Variants in PPARGC1B observed in about 807,000 individuals in gnomAD.
PPARGC1B encodes peroxisome proliferator-activated receptor gamma coactivator 1-beta.
In PPARGC1B, 34 loss-of-function variants were observed where a neutral mutation model predicts 101.6. The ratio of observed to expected loss-of-function variants is 0.33; its 90% CI spans 0.25 to 0.45. PPARGC1B has a LOEUF of 0.45. Ranked by LOEUF, PPARGC1B falls within the 20% of genes least tolerant of loss-of-function variation. The pLI is 1.00. For synonymous variants in PPARGC1B, 548 were observed against 539.3 expected (o/e 1.02, Z -0.22); for missense variants, 1,234 against 1,317.6 (o/e 0.94, Z 0.98).
rs1245219932 is a variant in PPARGC1B, at chr5:149,827,045, C to A, written c.465+160C>A. On this transcript the variant is annotated intron_variant, in intron 3 of 11. Transcript: ENST00000309241. ...GAGAGCGTGGGCCGAAGGTGGGAGG[C>A]CCCCCTGGACTTAACCTTTCCCACC... is the stretch of plus-strand genomic sequence containing the variant. Among the ~76,000 whole-genome samples, 5 of 152,186 alleles carry A rather than the reference C, an allele frequency of 3.3e-5. No homozygotes were observed. In the East Asian group the frequency reaches 9.6e-4, roughly 29 times the overall value.
intron 9 of PPARGC1B, 104 bp downstream of exon 9, chr5:149,840,220 C>T (rs1044586438): frequency 1.7e-4 from 181 of 1,034,548 alleles, no homozygotes; most frequent in Admixed American, 2.9e-4. Context: ...GTGAGCCCCT[C>T]AGTCTTCGGC....
chr5:149,732,847 GT>G (rs1754554840), intron 1 of PPARGC1B: 3 of 479,316 alleles, frequency 6.3e-6, no homozygotes, highest in Admixed American at 4.6e-5. Context: ...TCCAGGTCCT[GT>G]GTGTTACCTA....
chr5:149,745,666 G>A (rs1755060347), intron 1 of PPARGC1B, among the ~76,000 whole-genome samples: 1 of 152,056 alleles, frequency 6.6e-6, no homozygotes, highest in Admixed American at 6.6e-5. Flanking sequence ...TCTTTATCAG[G>A]CATTTCCATT....
intron 10 of PPARGC1B, 25 bp from the exon 11 acceptor site, chr5:149,845,735 T>C: frequency 6.3e-7 from 1 of 1,579,678 alleles, no homozygotes; most frequent in South Asian, 1.2e-5. Context: ...CCCAATAACA[T>C]ACTCTCCTTG....
intron 1 of PPARGC1B, among the ~76,000 whole-genome samples, chr5:149,745,863 G>A (rs1755069147): frequency 6.6e-6 from 1 of 152,188 alleles, no homozygotes; most frequent in African/African-American, 2.4e-5. Context: ...CAGCTCATAG[G>A]AGGTGGGGGG....
intron 1 of PPARGC1B, among the ~76,000 whole-genome samples, chr5:149,754,612 A>G (rs983191477): frequency 6.6e-6 from 1 of 152,084 alleles, no homozygotes; most frequent in African/African-American, 2.4e-5. Flanking sequence ...TTTACAGCCA[A>G]GTCATCTGGT....
At chr5:149,825,435 G>C (rs984136900) in intron 2 of PPARGC1B, among the ~76,000 whole-genome samples, 4 of 152,224 alleles carry the variant, frequency 2.6e-5, no homozygotes, top group African/African-American at 7.2e-5. Flanking sequence ...CTGTGCCTCT[G>C]GCCTTTGATT....
chr5:149,834,284 G>C (rs748973587), intron 5 of PPARGC1B, among the ~76,000 whole-genome samples: 1 of 152,162 alleles, frequency 6.6e-6, no homozygotes, highest in African/African-American at 2.4e-5. Flanking sequence ...TCTCTGGTAG[G>C]GACTGTCATC....
At chr5:149,791,991 G>A (rs1757039179) in intron 1 of PPARGC1B, among the ~76,000 whole-genome samples, 1 of 152,202 alleles carries the variant, frequency 6.6e-6, no homozygotes, top group African/African-American at 2.4e-5. Flanking sequence ...ATGGGGAAAT[G>A]ATGCTGAGCC....
intron 1 of PPARGC1B, among the ~76,000 whole-genome samples, chr5:149,812,196 T>G (rs1009607751): frequency 2.0e-5 from 3 of 152,196 alleles, no homozygotes; most frequent in African/African-American, 7.2e-5. Flanking sequence ...GCCCTTCCAA[T>G]GGTCTGGTTT....
At chr5:149,838,372 G>A (rs1233301144) in intron 8 of PPARGC1B, among the ~76,000 whole-genome samples, 1 of 152,170 alleles carries the variant, frequency 6.6e-6, no homozygotes, top group Non-Finnish European at 1.5e-5. Context: ...CCTTACTGTA[G>A]AAGCTAGGAT....
intron 1 of PPARGC1B, among the ~76,000 whole-genome samples, chr5:149,736,148 A>G (rs898151538): frequency 9.9e-5 from 15 of 152,204 alleles, no homozygotes; most frequent in African/African-American, 3.1e-4. Flanking sequence ...TCTCCAAAAA[A>G]ACAAAAAAGA....
In PPARGC1B at chr5:149,832,076, G is replaced by A. The variant is rs1042409199; in HGVS notation, c.583-580G>A. Among the ~76,000 whole-genome samples, 2 of 152,162 alleles carry A rather than the reference G, an allele frequency of 1.3e-5. No homozygotes were observed. Among genetic ancestry groups the A allele is most frequent in the African/African-American group, 4.8e-5 (2 of 41,440 alleles). The stretch of plus-strand genomic sequence containing the variant: ...AATCCCAGCACTTTGGGAGGCTGAG[G>A]CGGGAGGATCACTTGAGCTCAGGAG... On this transcript the variant is annotated intron_variant, in intron 4 of 11. Transcript: ENST00000309241. This position sits in a 1 kb window ranked among gnomAD's most constrained non-coding sequence, Gnocchi z 4.9.
rs934147863 is a variant in PPARGC1B, at chr5:149,852,413, T to A, written c.*4855T>A. 4 of 152,246 alleles carry A rather than the reference T, an allele frequency of 2.6e-5. No individual in the cohort carries two copies. The highest frequency in any genetic ancestry group is 5.9e-5 in the Non-Finnish European group (4 of 68,062). 9.4% of individuals were successfully genotyped at this position (152,246 alleles called of 1,614,324 possible). A position where few individuals can be genotyped will look rare whatever the true frequency, so the allele number is the denominator to read the frequency against. Reference sequence around the variant, plus strand: ...CCTCCTTGAAACTGATTCCATTCTCTGACTTGACCCAGCTCCTGTTCAGGG... The same window carrying A: ...CCTCCTTGAAACTGATTCCATTCTCAGACTTGACCCAGCTCCTGTTCAGGG... On this transcript the variant is annotated 3_prime_UTR_variant, in exon 12 of 12. Transcript: ENST00000309241.
At chr5:149,794,488 GCA>G (rs1476259236) in intron 1 of PPARGC1B, among the ~76,000 whole-genome samples, 1 of 150,838 alleles carries the variant, frequency 6.6e-6, no homozygotes, top group Non-Finnish European at 1.5e-5. Flanking sequence ...GCTGTTGATT[GCA>G]CACACACATG....
intron 1 of PPARGC1B, among the ~76,000 whole-genome samples, chr5:149,762,503 C>T (rs1007767196): frequency 3.9e-5 from 6 of 152,238 alleles, no homozygotes; most frequent in East Asian, 1.9e-4. Context: ...CTGCTGATTC[C>T]GGCAGCCTGA....
At chr5:149,776,899 C>T (rs1408440959) in intron 1 of PPARGC1B, among the ~76,000 whole-genome samples, 5 of 152,254 alleles carry the variant, frequency 3.3e-5, no homozygotes, top group Non-Finnish European at 5.9e-5. Flanking sequence ...CTGCACTCTG[C>T]ACACACATGT....
intron 1 of PPARGC1B, among the ~76,000 whole-genome samples, chr5:149,755,611 T>C (rs572407117): frequency 1.3e-5 from 1 of 74,624 alleles, no homozygotes; most frequent in East Asian, 2.9e-4. Flanking sequence ...TTATTATTAT[T>C]ATTGTTATTA....
At position 149,848,816 on chromosome 5, in the gene PPARGC1B, C is replaced by G. The variant is rs1759671372; in HGVS notation, c.*1258C>G. The G allele has an allele frequency of 6.6e-6, 1 of 152,196 alleles. No homozygotes were observed. Among genetic ancestry groups the G allele is most frequent in the Admixed American group, 6.6e-5 (1 of 15,262 alleles). The allele number at this position is 152,196 out of a possible 1,614,324, so 9.4% of individuals were successfully genotyped here. A position where few individuals can be genotyped will look rare whatever the true frequency, so the allele number is the denominator to read the frequency against. ...GGTAGTCCTTCGTCTTTACCTTGTCCTTGTCTGTAAAGTTGTTTTGGTGGC... is the reference window on the plus strand; with the variant it reads ...GGTAGTCCTTCGTCTTTACCTTGTCGTTGTCTGTAAAGTTGTTTTGGTGGC... On this transcript the variant is annotated 3_prime_UTR_variant, in exon 12 of 12. Transcript: ENST00000309241.
Sources: allele counts gnomAD v4.1 joint callset (sites outside exome capture counted in the v4.1 genomes callset), GRCh38; gene constraint gnomAD v4.1.1; non-coding constraint Gnocchi (gnomAD v3.1); transcripts MANE v1.5; gene names NCBI Gene and HGNC (gene_info 2026-07-23, HGNC 2026-07-21).